SIM2: variants seen among roughly 807,000 people sequenced by gnomAD.
SIM2 encodes SIM bHLH transcription factor 2, also known as single-minded homolog 2.
A neutral mutation model predicts 64.8 loss-of-function variants in SIM2; 28 were observed. That is an observed-to-expected ratio of 0.43 (90% CI 0.32 to 0.59). The LOEUF (loss-of-function observed/expected upper bound fraction) is 0.59, where lower values mean the gene tolerates loss of function less well. Among genes scored for constraint, SIM2 ranks in the 20% least tolerant of loss-of-function variants. The pLI is 0.07. For synonymous variants in SIM2, 408 were observed against 391.1 expected, an observed-to-expected ratio of 1.04 and a Z score of -0.51; for missense variants, 847 against 871.4, an observed-to-expected ratio of 0.97 and a Z score of 0.35.
At chr21:36,703,495 G>A (rs1291810472) in intron 1 of SIM2, among the ~76,000 whole-genome samples, 2 of 152,172 alleles carry the variant, frequency 1.3e-5, no homozygotes, top group Non-Finnish European at 1.5e-5. Context: ...CATATTCCCT[G>A]GCTCAAAGGA....
At chr21:36,702,472 C>G (rs1282682758) in intron 1 of SIM2, among the ~76,000 whole-genome samples, 1 of 152,220 alleles carries the variant, frequency 6.6e-6, no homozygotes, top group African/African-American at 2.4e-5. Flanking sequence ...TGGAATTCGT[C>G]AGGACAGCTG....
chr21:36,704,508 C>G (rs986779617), intron 1 of SIM2, among the ~76,000 whole-genome samples: 5 of 152,202 alleles, frequency 3.3e-5, no homozygotes, highest in African/African-American at 1.2e-4. Flanking sequence ...AGGGGACACC[C>G]GGGCACAGGG....
chr21:36,703,509 T>A (rs933103344), intron 1 of SIM2, among the ~76,000 whole-genome samples: 7 of 152,220 alleles, frequency 4.6e-5, no homozygotes, highest in Non-Finnish European at 7.3e-5. Flanking sequence ...CAAAGGAGTC[T>A]TGAATGGCAG....
chr21:36,702,293 G>A (rs2123406177), intron 1 of SIM2, among the ~76,000 whole-genome samples: 1 of 152,342 alleles, frequency 6.6e-6, no homozygotes, highest in Non-Finnish European at 1.5e-5. Context: ...GGTGACCCTG[G>A]AAGTTGGCAC....
At chr21:36,705,706 TC>T (rs2123416628) in intron 1 of SIM2, among the ~76,000 whole-genome samples, 1 of 152,162 alleles carries the variant, frequency 6.6e-6, no homozygotes, top group Non-Finnish European at 1.5e-5. Flanking sequence ...CAGGTGGGGC[TC>T]CCAAACCGTT....
chr21:36,699,422 C>T lies in SIM2; in HGVS notation c.-325C>T. 5.5e-6 allele frequency: 1 copy of T among 183,336 alleles called. No homozygotes were observed. Among genetic ancestry groups the T allele is most frequent in the Non-Finnish European group, 1.1e-5 (1 of 90,562 alleles). The allele number at this position is 183,336 out of a possible 1,614,324, so 11.4% of individuals were successfully genotyped here. A position where few individuals can be genotyped will look rare whatever the true frequency, so the allele number is the denominator to read the frequency against. ...CTCCGCGCCGGCCGCCCCCACCCCC[C>T]AGGAAGGCCGAGGCAGGAGAGGCAG... On this transcript the variant is annotated 5_prime_UTR_variant, in exon 1 of 11. Coordinates refer to ENST00000290399, the MANE Select transcript of SIM2 (RefSeq NM_005069.6). This position sits in a 1 kb window ranked among gnomAD's most constrained non-coding sequence, Gnocchi z 5.6.
intron 7 of SIM2, among the ~76,000 whole-genome samples, chr21:36,737,735 G>A (rs1001416934): frequency 1.8e-4 from 28 of 151,728 alleles, no homozygotes; most frequent in Non-Finnish European, 1.5e-4. Flanking sequence ...CAAGGCGGGC[G>A]GGTCACTTGG....
intron 7 of SIM2, among the ~76,000 whole-genome samples, 190 bp downstream of exon 7, chr21:36,731,341 A>G (rs1601703367): frequency 6.6e-6 from 1 of 151,006 alleles, no homozygotes; most frequent in African/African-American, 2.5e-5. Context: ...GTTCTCAAGC[A>G]GCCACGCGCA....
chr21:36,734,691 C>T (rs990599757), intron 7 of SIM2, among the ~76,000 whole-genome samples: 2 of 152,216 alleles, frequency 1.3e-5, no homozygotes, highest in African/African-American at 4.8e-5. Flanking sequence ...AGCCTCCCCT[C>T]AGAGCACTCA....
At chr21:36,730,235 C>T (rs1196102020) in intron 6 of SIM2, among the ~76,000 whole-genome samples, 2 of 152,222 alleles carry the variant, frequency 1.3e-5, no homozygotes, top group Non-Finnish European at 2.9e-5. Flanking sequence ...CAACTGTCCA[C>T]AGACAGAGGG....
intron 7 of SIM2, 124 bp from the exon 8 acceptor site, chr21:36,741,593 G>C: frequency 9.0e-7 from 1 of 1,117,310 alleles, no homozygotes; most frequent in Non-Finnish European, 1.3e-6. Flanking sequence ...CTCCAGCGGA[G>C]AAAGCCCGCC....
chr21:36,724,622 G>T (rs182050604), intron 5 of SIM2, among the ~76,000 whole-genome samples: 2 of 152,236 alleles, frequency 1.3e-5, no homozygotes, highest in Admixed American at 1.3e-4. Flanking sequence ...TTAACTGTCC[G>T]CTGTCCAATC....
intron 7 of SIM2, among the ~76,000 whole-genome samples, chr21:36,735,950 C>G (rs996944075): frequency 6.6e-6 from 1 of 152,216 alleles, no homozygotes; most frequent in East Asian, 1.9e-4. Context: ...TGAGGCCAGA[C>G]TTCCTATTCA....
intron 7 of SIM2, among the ~76,000 whole-genome samples, chr21:36,736,051 G>A (rs1283912634): frequency 6.6e-6 from 1 of 152,144 alleles, no homozygotes; most frequent in African/African-American, 2.4e-5. Context: ...GCTAGAGCTG[G>A]CCCCGTGGCT....
chr21:36,700,136 T>C (rs528751714), intron 1 of SIM2, among the ~76,000 whole-genome samples: 1 of 152,304 alleles, frequency 6.6e-6, no homozygotes, highest in Non-Finnish European at 1.5e-5. Context: ...CCTCTCCTGG[T>C]CCAGGGCTGG....
At chr21:36,734,289 C>T (rs1223929924) in intron 7 of SIM2, among the ~76,000 whole-genome samples, 2 of 152,104 alleles carry the variant, frequency 1.3e-5, no homozygotes, top group Admixed American at 6.5e-5. Context: ...CTTTATCTCA[C>T]AGGAAGTTTC....
At chr21:36,733,711 C>A (rs368795777) in intron 7 of SIM2, among the ~76,000 whole-genome samples, 1 of 152,158 alleles carries the variant, frequency 6.6e-6, no homozygotes, top group South Asian at 2.1e-4. Flanking sequence ...AGGCGCCCGC[C>A]AGCAAGCCTG....
chr21:36,723,005 G>A (rs373067858), intron 4 of SIM2, 40 bp from the exon 5 acceptor site: 6 of 1,523,906 alleles, frequency 3.9e-6, no homozygotes, highest in South Asian at 1.1e-5. Context: ...GGGGAAGCAC[G>A]GAGGGACAGC....
At chr21:36,700,485 T>C (rs1189702768) in intron 1 of SIM2, among the ~76,000 whole-genome samples, 1 of 152,068 alleles carries the variant, frequency 6.6e-6, no homozygotes, top group African/African-American at 2.4e-5. Context: ...GGTTTTGCTT[T>C]CTTTCTTTCC....
Sources: gnomAD v4.1 joint callset for allele counts (sites outside exome capture counted in the v4.1 genomes callset) on GRCh38, gnomAD v4.1.1 for gene constraint, Gnocchi (gnomAD v3.1) non-coding constraint, MANE v1.5 for transcripts, NCBI Gene and HGNC (gene_info 2026-07-23, HGNC 2026-07-21) for gene names.